NSF: variants seen among roughly 807,000 people sequenced by gnomAD.
NSF encodes N-ethylmaleimide sensitive factor, vesicle fusing ATPase.
In NSF, 14 loss-of-function variants were observed where a neutral mutation model predicts 50.3. The ratio of observed to expected loss-of-function variants is 0.28; its 90% CI spans 0.18 to 0.44. NSF has a LOEUF of 0.44. Among genes scored for constraint, NSF ranks in the 20% least tolerant of loss-of-function variants. NSF has a pLI of 1.00. For missense variants in NSF, 218 were observed against 504.3 expected (o/e 0.43, Z 5.44); for synonymous variants, 109 against 175.7 (o/e 0.62, Z 3.00).
chr17:46,711,227 C>A, intron 14 of NSF, 108 bp downstream of exon 14: 2 of 1,066,862 alleles, frequency 1.9e-6, no homozygotes, highest in South Asian at 2.3e-5. Context: ...CGTTTTTAAC[C>A]TTGTTCTTGA....
chr17:46,712,390 T>C (rs1482520725), intron 14 of NSF, among the ~76,000 whole-genome samples: 1 of 152,174 alleles, frequency 6.6e-6, no homozygotes, highest in Non-Finnish European at 1.5e-5. Flanking sequence ...GTGGGGAAGC[T>C]GAAGCCTAGA....
rs35732828 is a variant in NSF, at chr17:46,755,851, C to A, written c.*28C>A. The A allele has an allele frequency of 0.14, 218,630 of 1,606,416 alleles. 16,979 individuals are homozygous for A. Among genetic ancestry groups the A allele is most frequent in the Non-Finnish European group, 0.16 (182,953 of 1,175,764 alleles). Reference sequence around the variant, plus strand: ...ATGAACTATTTGAAACACACAGTGACCAAGGGAAGTGACCAAGGTGAAGAT... The same window carrying A: ...ATGAACTATTTGAAACACACAGTGAACAAGGGAAGTGACCAAGGTGAAGAT... On this transcript the variant is annotated 3_prime_UTR_variant, in exon 21 of 21. Transcript: ENST00000398238.
chr17:46,678,988 A>G (rs1328032730), intron 9 of NSF, among the ~76,000 whole-genome samples: 1 of 151,462 alleles, frequency 6.6e-6, no homozygotes, highest in East Asian at 1.9e-4. Context: ...ACAGTTGTGA[A>G]TCTCACAAAT....
At chr17:46,635,777 A>ATGTGTGTGTGTGTGTGTGTGTG (rs148930686) in intron 4 of NSF, among the ~76,000 whole-genome samples, 66 of 116,790 alleles carry the variant, frequency 5.7e-4, no homozygotes, top group East Asian at 4.8e-3. Flanking sequence ...GGGAAAATAA[A>ATGTGTGTGTGTGTGTGTGTGTG]TGTGTGTGTG....
Position 46,610,077 on chromosome 17 carries a change from CTTCT to C in NSF, c.13-14156_13-14153del, listed in dbSNP as rs1273341913. ...TTTCTTTCTTTCTTTCCTTTCTTTC[CTTCT>C]TTCTTTCTTTTCTCTCTTTCTCTCT... On this transcript the variant is annotated intron_variant, in intron 1 of 20. Coordinates refer to ENST00000398238, the MANE Select transcript of NSF (RefSeq NM_006178.4). 1.7e-3 allele frequency among the ~76,000 whole-genome samples: 154 copies of C among 90,228 alleles called. 11 individuals carry two copies. The highest frequency in any genetic ancestry group is 6.5e-3 in the Middle Eastern group (1 of 154). The allele number at this position is 90,228 out of a possible 152,430, so 59.2% of individuals were successfully genotyped here.
chr17:46,745,608 C>A (rs983766878), intron 17 of NSF, among the ~76,000 whole-genome samples: 1 of 152,172 alleles, frequency 6.6e-6, no homozygotes, highest in Non-Finnish European at 1.5e-5. Flanking sequence ...TGCCACTGTT[C>A]TAGGGCCAAC....
intron 19 of NSF, among the ~76,000 whole-genome samples, chr17:46,754,269 C>T (rs1474831977): frequency 6.6e-6 from 1 of 150,654 alleles, no homozygotes; most frequent in South Asian, 2.1e-4. Context: ...TGTAGTCTGA[C>T]CTCTTACCTT....
rs749922582 is a variant in NSF at position 46,749,863 on chromosome 17, G to A, written c.1999G>A (p.Val667Met). The A allele has an allele frequency of 6.2e-6, 10 of 1,614,012 alleles. No homozygotes were observed. In the African/African-American group the frequency reaches 6.7e-5, roughly 11 times the overall value. ...MLNAFSTTIH[V>M]PNIATGEQLL... ...TAACGCTTTCAGCACCACCATCCAC[G>A]TGCCCAACATTGCCACAGGAGAGCA... is the stretch of plus-strand genomic sequence containing the variant. Residue 667 changes from valine (V) to methionine (M), a missense_variant, in exon 18 of 21, where the codon GTG becomes ATG. By Grantham distance (21) the Val-to-Met change is conservative (BLOSUM62 1). Transcript: ENST00000398238.
At chr17:46,755,430 G>T in intron 20 of NSF, 61 bp downstream of exon 20, 1 of 1,334,660 alleles carries the variant, frequency 7.5e-7, no homozygotes. Flanking sequence ...AAATCCCTGT[G>T]CCTATTCTAA....
At chr17:46,745,430 A>G (rs1760359062) in intron 17 of NSF, among the ~76,000 whole-genome samples, 1 of 152,234 alleles carries the variant, frequency 6.6e-6, no homozygotes, top group Admixed American at 6.5e-5. Context: ...AACAAGAAGG[A>G]AAGCAAAACA....
chr17:46,722,184 A>G (rs2058837909), intron 15 of NSF: 3 of 1,607,676 alleles, frequency 1.9e-6, no homozygotes, highest in Non-Finnish European at 2.6e-6. Context: ...CTCCTGGGAG[A>G]ACTTGCAGCG....
intron 9 of NSF, among the ~76,000 whole-genome samples, chr17:46,679,461 A>G (rs904683886): frequency 7.6e-5 from 10 of 132,284 alleles, no homozygotes; most frequent in Non-Finnish European, 1.1e-4. Flanking sequence ...AGCTCCTTAT[A>G]TTATTGGGGA....
chr17:46,717,131 C>T (rs2058780311), intron 15 of NSF, among the ~76,000 whole-genome samples: 1 of 152,124 alleles, frequency 6.6e-6, no homozygotes, highest in Non-Finnish European at 1.5e-5. Context: ...AAATGTGACA[C>T]ATATACACTG....
intron 15 of NSF, among the ~76,000 whole-genome samples, chr17:46,723,327 A>G (rs1446388493): frequency 6.6e-6 from 1 of 152,204 alleles, no homozygotes; most frequent in Non-Finnish European, 1.5e-5. Context: ...AAATGTTTTG[A>G]AAAGCAAAGC....
chr17:46,716,474 G>A (rs914093691), intron 15 of NSF, among the ~76,000 whole-genome samples: 1 of 152,042 alleles, frequency 6.6e-6, no homozygotes, highest in African/African-American at 2.4e-5. Flanking sequence ...AGCCAGGATG[G>A]TCTTGATCTC....
At chr17:46,728,821 C>G in intron 16 of NSF, 34 bp from the exon 17 acceptor site, 1 of 1,442,630 alleles carries the variant, frequency 6.9e-7, no homozygotes, top group Non-Finnish European at 9.5e-7. Flanking sequence ...ACATGTGTAT[C>G]AAATCCCTAA....
intron 9 of NSF, among the ~76,000 whole-genome samples, chr17:46,690,641 A>G (rs2146226981): frequency 7.7e-6 from 1 of 130,370 alleles, no homozygotes; most frequent in South Asian, 2.4e-4. Flanking sequence ...ATATATATAT[A>G]TTGTATAGGG....
chr17:46,746,334 G>A (rs931314329), intron 17 of NSF, among the ~76,000 whole-genome samples: 5 of 152,068 alleles, frequency 3.3e-5, no homozygotes, highest in African/African-American at 1.2e-4. Context: ...TTGTTTCTTT[G>A]ATCTGCATTG....
At chr17:46,631,061 T>TACACACACACACACACACACAC (rs61399986) in intron 4 of NSF, among the ~76,000 whole-genome samples, 129 of 122,804 alleles carry the variant, frequency 1.1e-3, no homozygotes, top group Middle Eastern at 4.0e-3. Context: ...TCTCTCTCTG[T>TACACACACACACACACACACAC]ACACACACAC....
Sources: gnomAD v4.1 joint callset for allele counts (sites outside exome capture counted in the v4.1 genomes callset) on GRCh38, gnomAD v4.1.1 for gene constraint, MANE v1.5 for transcripts, NCBI Gene and HGNC (gene_info 2026-07-23, HGNC 2026-07-21) for gene names.